FGD6: variants seen among roughly 807,000 people sequenced by gnomAD.
FGD6 encodes the protein FYVE, RhoGEF and PH domain containing 6.
In FGD6, 90 loss-of-function variants were observed where a neutral mutation model predicts 149.4. That is an observed-to-expected ratio of 0.60 (90% confidence interval 0.51 to 0.72). The LOEUF (loss-of-function observed/expected upper bound fraction) is 0.72. Ranked by LOEUF, FGD6 falls within the 30% of genes least tolerant of loss-of-function variation. The probability of loss-of-function intolerance (pLI) is 0.00; values close to 1 mark genes in which losing one functional copy is unlikely to be tolerated. For synonymous variants in FGD6, 527 were observed against 584.0 expected (o/e 0.90, Z 1.41); for missense variants, 1,437 against 1,684.8 (o/e 0.85, Z 2.57).
intron 5 of FGD6, among the ~76,000 whole-genome samples, chr12:95,144,427 T>C (rs915911175): frequency 2.6e-5 from 4 of 152,172 alleles, no homozygotes; most frequent in Non-Finnish European, 4.4e-5. Context: ...AGTTTCACTC[T>C]GGTTGCCCAG....
intron 8 of FGD6, chr12:95,116,975 TTATAACCCAGG>T (rs1361149892): frequency 5.1e-5 from 23 of 453,912 alleles, no homozygotes; most frequent in Non-Finnish European, 1.0e-4. Context: ...CCAGTAACTG[TTATAACCCAGG>T]TGAAACCCAG....
At chr12:95,117,929 T>TACTCAGG (rs1879069084) in intron 8 of FGD6, among the ~76,000 whole-genome samples, 1 of 152,104 alleles carries the variant, frequency 6.6e-6, no homozygotes, top group Non-Finnish European at 1.5e-5. Context: ...TAATCCCAGC[T>TACTCAGG]ACTCAGGAGG....
intron 3 of FGD6, among the ~76,000 whole-genome samples, chr12:95,171,342 A>G (rs1454874061): frequency 6.6e-6 from 1 of 152,224 alleles, no homozygotes; most frequent in Non-Finnish European, 1.5e-5. Context: ...AATTTTCTCC[A>G]TGGCTTGCTA....
intron 3 of FGD6, among the ~76,000 whole-genome samples, chr12:95,159,726 C>G (rs1880581788): frequency 6.6e-6 from 1 of 152,112 alleles, no homozygotes; most frequent in Non-Finnish European, 1.5e-5. Flanking sequence ...CCCAGCTACT[C>G]AGGAGGCTGA....
intron 5 of FGD6, among the ~76,000 whole-genome samples, chr12:95,142,228 G>A (rs1220344554): frequency 7.4e-5 from 11 of 149,364 alleles, no homozygotes; most frequent in Non-Finnish European, 1.5e-4. Context: ...TGCAACCTCC[G>A]CCTCCCGGGT....
intron 2 of FGD6, among the ~76,000 whole-genome samples, chr12:95,203,882 T>C (rs1327910364): frequency 3.3e-5 from 5 of 152,222 alleles, no homozygotes; most frequent in Non-Finnish European, 5.9e-5. Flanking sequence ...CACTATTATT[T>C]TGCTGATTTG....
At chr12:95,107,166 A>G (rs1360701689) in intron 12 of FGD6, 129 bp from the exon 13 acceptor site, 1 of 670,196 alleles carries the variant, frequency 1.5e-6, no homozygotes, top group East Asian at 2.7e-5. Context: ...AAATACTTAT[A>G]TTCTGCTATA....
chr12:95,172,792 T>C, intron 2 of FGD6, 48 bp from the exon 3 acceptor site: 1 of 1,462,926 alleles, frequency 6.8e-7, no homozygotes. Context: ...TAATAAGAAG[T>C]GCTAGCAAAA....
At chr12:95,167,043 G>A (rs980649268) in intron 3 of FGD6, among the ~76,000 whole-genome samples, 2 of 151,932 alleles carry the variant, frequency 1.3e-5, no homozygotes, top group Non-Finnish European at 2.9e-5. Context: ...TTTTAGTAGA[G>A]ACGGGATTTC....
chr12:95,098,887 T>TTTTG (rs1878327556), intron 14 of FGD6, among the ~76,000 whole-genome samples: 1 of 143,820 alleles, frequency 7.0e-6, no homozygotes, highest in South Asian at 2.2e-4. Context: ...TTTTTTTTTT[T>TTTTG]GAGACGGAGT....
At chr12:95,211,542 C>CTTTT (rs59361079) in intron 1 of FGD6, among the ~76,000 whole-genome samples, 14 of 142,398 alleles carry the variant, frequency 9.8e-5, no homozygotes, top group Admixed American at 3.5e-4. Context: ...TCTTTTTCTT[C>CTTTT]TTTTTTTTTT....
At position 95,142,234 on chromosome 12, in the gene FGD6, C is replaced by A. The variant is rs1879872362; in HGVS notation, c.2686-695G>T. ...TTGGCTCACTGCAACCTCCGCCTCC[C>A]GGGTTCAAGCTATTCTCCTGCCTCA... On this transcript the variant is annotated intron_variant, in intron 5 of 20. Transcript: ENST00000343958. 4.6e-5 allele frequency among the ~76,000 whole-genome samples: 7 copies of A among 151,974 alleles called. No individual in the cohort carries two copies. The South Asian group carries it at 1.5e-3, about 32-fold the overall frequency.
At chr12:95,154,780 ATTCATT>A (rs1449899465) in intron 3 of FGD6, among the ~76,000 whole-genome samples, 1 of 152,200 alleles carries the variant, frequency 6.6e-6, no homozygotes, top group Non-Finnish European at 1.5e-5. Context: ...TCCAGCAGTC[ATTCATT>A]AATGAAATGC....
intron 2 of FGD6, among the ~76,000 whole-genome samples, chr12:95,199,232 CG>C (rs981273135): frequency 3.3e-5 from 5 of 152,226 alleles, no homozygotes; most frequent in Non-Finnish European, 7.4e-5. Context: ...CAAGTCTTCA[CG>C]GGCTTTGGTT....
intron 8 of FGD6, 58 bp from the exon 9 acceptor site, chr12:95,113,759 T>A: frequency 8.8e-7 from 1 of 1,135,100 alleles, no homozygotes; most frequent in Non-Finnish European, 1.3e-6. Flanking sequence ...CCCAAACACA[T>A]ATCTTTCTTT....
intron 19 of FGD6, 72 bp from the exon 20 acceptor site, chr12:95,084,718 C>T (rs1352288369): frequency 3.3e-6 from 4 of 1,202,638 alleles, no homozygotes; most frequent in Non-Finnish European, 3.4e-6. Flanking sequence ...AACTCTTGAT[C>T]TACATAGCTC....
chr12:95,195,408 A>T (rs1881711221), intron 2 of FGD6, among the ~76,000 whole-genome samples: 1 of 152,008 alleles, frequency 6.6e-6, no homozygotes, highest in Non-Finnish European at 1.5e-5. Context: ...TCCCTTGGCC[A>T]TCCTCTGTTT....
At chr12:95,120,057 C>CA (rs995687131) in intron 8 of FGD6, among the ~76,000 whole-genome samples, 2 of 151,840 alleles carry the variant, frequency 1.3e-5, no homozygotes, top group African/African-American at 4.8e-5. Flanking sequence ...GGTGAAACCC[C>CA]ATCTCTACCA....
In FGD6 at chr12:95,178,156, A is replaced by G. The variant is rs558502676; in HGVS notation, c.2442-5412T>C. On this transcript the variant is annotated intron_variant, in intron 2 of 20. Transcript: ENST00000343958. ...ATTTTCTCCATCCCTTACTCAAGTAATGTTCTTGAGGTCTACCACCAAAAT... is the reference window on the plus strand; with the variant it reads ...ATTTTCTCCATCCCTTACTCAAGTAGTGTTCTTGAGGTCTACCACCAAAAT... Among the ~76,000 whole-genome samples the G allele has an allele frequency of 3.3e-5, 5 of 152,254 alleles. 1 individual carries two copies. The highest frequency in any genetic ancestry group is 1.2e-4 in the African/African-American group (5 of 41,534).
Sources: allele counts gnomAD v4.1 joint callset (sites outside exome capture counted in the v4.1 genomes callset), GRCh38; gene constraint gnomAD v4.1.1; transcripts MANE v1.5; gene names NCBI Gene and HGNC (gene_info 2026-07-23, HGNC 2026-07-21).